Variants in STK32B observed in about 807,000 individuals in gnomAD.
STK32B encodes the protein serine/threonine-protein kinase 32B.
STK32B carries 43 observed loss-of-function variants against 52.6 expected under a neutral mutation model. The ratio of observed to expected loss-of-function variants is 0.82; its 90% confidence interval spans 0.64 to 1.05. The LOEUF (loss-of-function observed/expected upper bound fraction) is 1.05, where lower values mean the gene tolerates loss of function less well. Among genes scored for constraint, STK32B ranks in the 50% least tolerant of loss-of-function variants. STK32B has a pLI of 0.00. For missense variants in STK32B, 621 were observed against 534.6 expected (o/e 1.16, Z -1.59); for synonymous variants, 238 against 204.3 (o/e 1.17, Z -1.41).
At chr4:5,358,075 G>A (rs1734298492) in intron 4 of STK32B, among the ~76,000 whole-genome samples, 1 of 152,178 alleles carries the variant, frequency 6.6e-6, no homozygotes, top group South Asian at 2.1e-4. Flanking sequence ...TCACAGGCTA[G>A]CATTTTGAGA....
intron 5 of STK32B, among the ~76,000 whole-genome samples, chr4:5,411,003 G>A (rs1711616650): frequency 6.6e-6 from 1 of 151,824 alleles, no homozygotes; most frequent in African/African-American, 2.4e-5. Flanking sequence ...GTTTCATGAG[G>A]TGAATAATCC....
intron 4 of STK32B, among the ~76,000 whole-genome samples, chr4:5,354,247 C>T (rs1448594094): frequency 6.6e-6 from 1 of 152,014 alleles, no homozygotes; most frequent in African/African-American, 2.4e-5. Flanking sequence ...ATGTAGATTG[C>T]AGGGGGTGAA....
intron 5 of STK32B, among the ~76,000 whole-genome samples, chr4:5,406,287 C>A (rs1737661401): frequency 6.6e-6 from 1 of 152,156 alleles, no homozygotes; most frequent in African/African-American, 2.4e-5. Context: ...ATGGTACAGC[C>A]CCCTCGGCTG....
chr4:5,451,189 T>C (rs1030899683), intron 7 of STK32B, among the ~76,000 whole-genome samples: 4 of 152,200 alleles, frequency 2.6e-5, no homozygotes, highest in Admixed American at 6.5e-5. Context: ...ACAAGACAGG[T>C]AGATGCAGGT....
upstream of STK32B, among the ~76,000 whole-genome samples, chr4:5,047,653 C>A (rs576705596): frequency 1.3e-4 from 20 of 152,196 alleles, no homozygotes; most frequent in African/African-American, 4.8e-4. Context: ...GGACACACAG[C>A]CCTGGCTGCC....
chr4:5,460,321 T>G lies in STK32B; in HGVS notation c.909+93T>G. The G allele has an allele frequency of 6.6e-7, 1 of 1,509,082 alleles. No homozygotes were observed. The highest frequency in any genetic ancestry group is 8.9e-7 in the Non-Finnish European group (1 of 1,125,176). 93.5% of individuals were successfully genotyped at this position (1,509,082 alleles called of 1,614,324 possible). ...ACTTTGGCAGCTGGCTAGTGAGCCCTCTGCTGGCCACTTCCACCTGAGCAC... is the reference window on the plus strand; with the variant it reads ...ACTTTGGCAGCTGGCTAGTGAGCCCGCTGCTGGCCACTTCCACCTGAGCAC... On this transcript the variant is annotated intron_variant, in intron 9 of 11. Coordinates refer to ENST00000282908, the MANE Select transcript of STK32B (RefSeq NM_018401.3). The surrounding 1 kb of genome is among the most constrained non-coding windows in gnomAD (Gnocchi z 4.8).
chr4:5,318,822 C>T (rs774405929), intron 3 of STK32B, among the ~76,000 whole-genome samples: 7 of 150,512 alleles, frequency 4.7e-5, no homozygotes, highest in South Asian at 4.2e-4. Context: ...TTTTTTGAGA[C>T]GGAGTCTTGC....
At chr4:5,185,222 T>C (rs988544622) in intron 3 of STK32B, among the ~76,000 whole-genome samples, 13 of 152,248 alleles carry the variant, frequency 8.5e-5, no homozygotes, top group Non-Finnish European at 1.5e-4. Flanking sequence ...TAATCTGTTT[T>C]GTTTAAAACC....
At chr4:5,159,562 A>AATATATAT (rs1553840329) in intron 2 of STK32B, among the ~76,000 whole-genome samples, 6 of 51,594 alleles carry the variant, frequency 1.2e-4, no homozygotes, top group African/African-American at 7.3e-4. Context: ...AATATATATG[A>AATATATAT]ATGAATATAT....
At chr4:5,382,965 A>C (rs919732155) in intron 4 of STK32B, among the ~76,000 whole-genome samples, 1 of 152,208 alleles carries the variant, frequency 6.6e-6, no homozygotes, top group Non-Finnish European at 1.5e-5. Flanking sequence ...TTTTGGCAGC[A>C]TGTCCCCTTG....
At chr4:5,259,010 C>T (rs941675534) in intron 3 of STK32B, among the ~76,000 whole-genome samples, 13 of 152,184 alleles carry the variant, frequency 8.5e-5, no homozygotes, top group African/African-American at 3.1e-4. Context: ...GCCTTTGAGC[C>T]TGTTGTACCC....
At chr4:5,240,168 T>G (rs977695836) in intron 3 of STK32B, among the ~76,000 whole-genome samples, 1 of 151,898 alleles carries the variant, frequency 6.6e-6, no homozygotes, top group Non-Finnish European at 1.5e-5. Context: ...TTATTCTCCT[T>G]GGGGTTCATG....
At position 5,469,714 on chromosome 4, in the gene STK32B, T is replaced by G. The variant is rs73068446; in HGVS notation, c.1106+1644T>G. Among the ~76,000 whole-genome samples the G allele has an allele frequency of 0.046, 7,072 of 152,234 alleles. 330 individuals carry two copies. The highest frequency in any genetic ancestry group is 0.12 in the African/African-American group (4,977 of 41,534). ...ACACACCAGGCTTGGGCAGCAAGCC[T>G]CACCTGCTAGAGGACCACATGTTGG... On this transcript the variant is annotated intron_variant, in intron 11 of 11. Transcript: ENST00000282908. This position sits in a 1 kb window ranked among gnomAD's most constrained non-coding sequence, Gnocchi z 4.7.
At chr4:5,164,522 G>T (rs945825684) in intron 2 of STK32B, among the ~76,000 whole-genome samples, 2 of 152,192 alleles carry the variant, frequency 1.3e-5, no homozygotes, top group African/African-American at 4.8e-5. Flanking sequence ...CACACATGCC[G>T]CAGACTGGGT....
At chr4:5,177,028 AAAG>A (rs1334045977) in intron 3 of STK32B, among the ~76,000 whole-genome samples, 2 of 152,164 alleles carry the variant, frequency 1.3e-5, no homozygotes, top group Non-Finnish European at 2.9e-5. Flanking sequence ...AATTAACTGA[AAAG>A]AAGACATGAA....
intron 3 of STK32B, among the ~76,000 whole-genome samples, chr4:5,315,815 C>T (rs1208126529): frequency 1.3e-5 from 2 of 151,440 alleles, no homozygotes; most frequent in Non-Finnish European, 2.9e-5. Context: ...AGCTATTCTC[C>T]TGCCTCAGCC....
chr4:5,450,221 A>C (rs1245332791), intron 7 of STK32B, among the ~76,000 whole-genome samples: 2 of 152,170 alleles, frequency 1.3e-5, no homozygotes, highest in Non-Finnish European at 2.9e-5. Context: ...AAAAAGGCCC[A>C]AGTAGGGGCC....
At chr4:5,314,374 T>C (rs998629871) in intron 3 of STK32B, among the ~76,000 whole-genome samples, 1 of 152,040 alleles carries the variant, frequency 6.6e-6, no homozygotes, top group African/African-American at 2.4e-5. Context: ...GCCTTACATA[T>C]TTTTAAAAAA....
At chr4:5,466,446 A>T (rs1717438983) in intron 9 of STK32B, among the ~76,000 whole-genome samples, 1 of 152,206 alleles carries the variant, frequency 6.6e-6, no homozygotes, top group Non-Finnish European at 1.5e-5. Context: ...ACAGGCATAG[A>T]AAGGGGCCTA....
Sources: gnomAD v4.1 joint callset for allele counts (sites outside exome capture counted in the v4.1 genomes callset) on GRCh38, gnomAD v4.1.1 for gene constraint, Gnocchi (gnomAD v3.1) non-coding constraint, MANE v1.5 for transcripts, NCBI Gene and HGNC (gene_info 2026-07-23, HGNC 2026-07-21) for gene names.